EPM2A: variants seen among roughly 807,000 people sequenced by gnomAD.
The protein encoded by EPM2A is EPM2A glucan phosphatase, laforin.
Under a neutral mutation model 26.5 loss-of-function variants are expected in EPM2A, and 21 were observed. The ratio of observed to expected loss-of-function variants is 0.79; its 90% CI spans 0.56 to 1.14. The LOEUF (loss-of-function observed/expected upper bound fraction) is 1.14. Among genes scored for constraint, EPM2A ranks in the 50% most tolerant of loss-of-function variants. The pLI is 0.00. For synonymous variants in EPM2A, 217 were observed against 177.6 expected (o/e 1.22, Z -1.76); for missense variants, 458 against 440.8 (o/e 1.04, Z -0.35).
At chr6:145,606,396 C>T (rs1775259883) in intron 2 of EPM2A, among the ~76,000 whole-genome samples, 1 of 151,628 alleles carries the variant, frequency 6.6e-6, no homozygotes, top group African/African-American at 2.4e-5. Flanking sequence ...CATGTATTTA[C>T]ATTTTATATT....
At chr6:145,569,196 T>G (rs939261514) in intron 2 of EPM2A, among the ~76,000 whole-genome samples, 1 of 152,230 alleles carries the variant, frequency 6.6e-6, no homozygotes, top group South Asian at 2.1e-4. Flanking sequence ...ATAGCCTGGA[T>G]TGGTATATCA....
chr6:145,506,799 A>C (rs1388775975), intron 2 of EPM2A, among the ~76,000 whole-genome samples: 2 of 152,216 alleles, frequency 1.3e-5, no homozygotes, highest in Admixed American at 6.5e-5. Flanking sequence ...GAAGCCAAGG[A>C]GGCCACACTG....
At chr6:145,616,580 T>C (rs2128553035) in intron 2 of EPM2A, among the ~76,000 whole-genome samples, 1 of 152,288 alleles carries the variant, frequency 6.6e-6, no homozygotes, top group Admixed American at 6.5e-5. Context: ...CAGCTTGCAC[T>C]GTGTGCCTGG....
In EPM2A at chr6:145,628,059, C is replaced by CAA. The variant is rs540792353; in HGVS notation, c.719-368_719-367dup. ...AGATTGGTCAGAATTTTAGAGGATT[C>CAA]AAAAAAAAAAATAGTTGTCAGGTCT... On this transcript the variant is annotated intron_variant, in intron 3 of 3. Transcript: ENST00000367519. The CAA allele has an allele frequency of 3.5e-4, 73 of 211,130 alleles. 1 individual carries two copies. Among genetic ancestry groups the CAA allele is most frequent in the Admixed American group, 1.8e-3 (31 of 17,456 alleles). 13.1% of individuals were successfully genotyped at this position (211,130 alleles called of 1,614,324 possible). A position where few individuals can be genotyped will look rare whatever the true frequency, so the allele number is the denominator to read the frequency against.
At chr6:145,660,896 T>C (rs1778653922) in intron 2 of EPM2A, among the ~76,000 whole-genome samples, 1 of 152,130 alleles carries the variant, frequency 6.6e-6, no homozygotes. Flanking sequence ...GAACAGACAG[T>C]ACAAAACGTT....
intron 4 of EPM2A, among the ~76,000 whole-genome samples, chr6:145,496,184 G>A (rs1779817730): frequency 6.6e-6 from 1 of 152,064 alleles, no homozygotes; most frequent in African/African-American, 2.4e-5. Context: ...TTAGTCTGAT[G>A]GGCTTCCCTT....
At chr6:145,465,808 GA>G (rs1361895670) in intron 4 of EPM2A, among the ~76,000 whole-genome samples, 2 of 152,068 alleles carry the variant, frequency 1.3e-5, no homozygotes, top group African/African-American at 4.8e-5. Flanking sequence ...CAATGGAACA[GA>G]ACAGAGGCCT....
chr6:145,440,381 A>G (rs938981209), intron 4 of EPM2A, among the ~76,000 whole-genome samples: 4 of 152,202 alleles, frequency 2.6e-5, no homozygotes, highest in Admixed American at 6.5e-5. Context: ...TGGAAGCTGC[A>G]ATTCAAGTTG....
chr6:145,659,766 A>G (rs1179177839), intron 2 of EPM2A, among the ~76,000 whole-genome samples: 1 of 152,212 alleles, frequency 6.6e-6, no homozygotes, highest in African/African-American at 2.4e-5. Flanking sequence ...ATGTGTAAAC[A>G]GACTGTAACC....
At chr6:145,691,437 G>A (rs1294966243) in intron 1 of EPM2A, among the ~76,000 whole-genome samples, 1 of 152,056 alleles carries the variant, frequency 6.6e-6, no homozygotes, top group African/African-American at 2.4e-5. Flanking sequence ...GCTTATGAAG[G>A]AAAACTAAGA....
intron 2 of EPM2A, among the ~76,000 whole-genome samples, chr6:145,644,381 T>C (rs1251288598): frequency 1.3e-5 from 2 of 152,216 alleles, no homozygotes; most frequent in African/African-American, 4.8e-5. Context: ...TCCCCTTTTC[T>C]ACTATTTACA....
chr6:145,727,458 G>T (rs955794436), intron 1 of EPM2A, among the ~76,000 whole-genome samples: 2 of 151,820 alleles, frequency 1.3e-5, no homozygotes, highest in African/African-American at 4.8e-5. Flanking sequence ...TTGTTGTGAG[G>T]ACAAAGGGTA....
intron 2 of EPM2A, among the ~76,000 whole-genome samples, chr6:145,666,109 C>T (rs1261064389): frequency 6.8e-6 from 1 of 146,954 alleles, no homozygotes; most frequent in Non-Finnish European, 1.5e-5. Context: ...TGGCACAAGA[C>T]AGGGATGCCC....
intron 1 of EPM2A, among the ~76,000 whole-genome samples, chr6:145,719,473 G>C (rs1775830259): frequency 6.7e-6 from 1 of 148,764 alleles, no homozygotes; most frequent in Non-Finnish European, 1.5e-5. Flanking sequence ...GGACTGTTGT[G>C]GGGTTGGGGG....
chr6:145,560,722 A>AT (rs1245546176), intron 2 of EPM2A, among the ~76,000 whole-genome samples: 28 of 152,154 alleles, frequency 1.8e-4, no homozygotes, highest in Admixed American at 5.9e-4. Flanking sequence ...CTATGAGTAT[A>AT]TGAGGTGCTT....
chr6:145,661,880 C>A (rs182342525), intron 2 of EPM2A, among the ~76,000 whole-genome samples: 2 of 152,142 alleles, frequency 1.3e-5, no homozygotes, highest in Admixed American at 1.3e-4. Context: ...GGTTCTTTCA[C>A]ATTCACTGCA....
chr6:145,511,846 C>T (rs988328629), intron 2 of EPM2A, among the ~76,000 whole-genome samples: 2 of 152,132 alleles, frequency 1.3e-5, no homozygotes, highest in Admixed American at 6.5e-5. Context: ...ACAACATGAT[C>T]ACATACCTAC....
rs761066614 is a variant in EPM2A, at chr6:145,627,563, AT to A, written c.848del (p.Tyr283LeufsTer2). On this transcript the variant is annotated frameshift_variant, in exon 4 of 4. Transcript: ENST00000367519. LOFTEE classifies it high-confidence loss of function. Reference protein sequence around the residue: ...STAAVCGWLQYVMGWNLRKVQ... With the variant: ...STAAVCGWLQXVMGWNLRKVQ... ...CCTTCCTCAGATTCCAGCCCATCAC[AT>A]ACTGGAGCCAGCCGCAGACAGCCGC... 6.2e-7 allele frequency: 1 copy of A among 1,614,244 alleles called. No individual in the cohort carries two copies.
chr6:145,688,375 G>A (rs530976921), intron 1 of EPM2A, among the ~76,000 whole-genome samples: 1 of 152,278 alleles, frequency 6.6e-6, no homozygotes, highest in Admixed American at 6.5e-5. Flanking sequence ...GGAAAAGGAA[G>A]GTGAAGATGA....
Sources: gnomAD v4.1 joint callset for allele counts (sites outside exome capture counted in the v4.1 genomes callset) on GRCh38, gnomAD v4.1.1 for gene constraint, MANE v1.5 for transcripts, NCBI Gene and HGNC (gene_info 2026-07-23, HGNC 2026-07-21) for gene names.